The following GPC5 variants were observed in gnomAD, a reference collection of about 807,000 sequenced individuals.
GPC5 encodes glypican-5.
GPC5 carries 47 observed loss-of-function variants against 53.9 expected under a neutral mutation model. The observed-to-expected ratio is 0.87, with a 90% confidence interval of 0.69 to 1.11. The LOEUF is 1.11. Among genes scored for constraint, GPC5 ranks in the 50% most tolerant of loss-of-function variants. GPC5 has a pLI of 0.00. For synonymous variants in GPC5, 286 were observed against 263.3 expected (o/e 1.09, Z -0.84); for missense variants, 748 against 713.1 (o/e 1.05, Z -0.56).
At chr13:92,758,137 G>A (rs1874980332) in intron 7 of GPC5, among the ~76,000 whole-genome samples, 1 of 148,518 alleles carries the variant, frequency 6.7e-6, no homozygotes, top group Admixed American at 6.8e-5. Flanking sequence ...ATACACCATG[G>A]AATACTATGC....
chr13:92,152,160 G>A (rs1426337070), intron 7 of GPC5, among the ~76,000 whole-genome samples: 1 of 152,168 alleles, frequency 6.6e-6, no homozygotes, highest in East Asian at 1.9e-4. Flanking sequence ...AGTGGAGTTT[G>A]TATTTAATTT....
chr13:92,401,185 T>A (rs940487779), intron 7 of GPC5, among the ~76,000 whole-genome samples: 1 of 151,958 alleles, frequency 6.6e-6, no homozygotes, highest in Admixed American at 6.6e-5. Context: ...CTATTTTTTT[T>A]TTTTTTAGGA....
At chr13:92,321,628 CA>C (rs1566537920) in intron 7 of GPC5, among the ~76,000 whole-genome samples, 3 of 151,928 alleles carry the variant, frequency 2.0e-5, no homozygotes, top group African/African-American at 7.2e-5. Flanking sequence ...TACATACATA[CA>C]TACATACATA....
rs769248557 is a variant in GPC5, at chr13:92,176,133, T to C, written c.1561+31144T>C. On this transcript the variant is annotated intron_variant, in intron 7 of 7. Transcript: ENST00000377067. ...ATATATCGTGAAGGACTTTAGAAAATACAAATTACTGTCCACAACCCCAGA... is the reference window on the plus strand; with the variant it reads ...ATATATCGTGAAGGACTTTAGAAAACACAAATTACTGTCCACAACCCCAGA... Among the ~76,000 whole-genome samples the C allele has an allele frequency of 2.6e-5, 4 of 152,296 alleles. No homozygotes were observed. The South Asian group carries it at 8.3e-4, about 32-fold the overall frequency.
At chr13:92,660,143 G>A (rs1291265837) in intron 7 of GPC5, among the ~76,000 whole-genome samples, 3 of 152,028 alleles carry the variant, frequency 2.0e-5, no homozygotes, top group Non-Finnish European at 2.9e-5. Flanking sequence ...TTATATGAAT[G>A]GAACCATAAA....
At chr13:91,659,176 A>T (rs1180763356) in intron 2 of GPC5, among the ~76,000 whole-genome samples, 1 of 152,218 alleles carries the variant, frequency 6.6e-6, no homozygotes, top group East Asian at 1.9e-4. Context: ...CATATATATG[A>T]CTTTCTAAAG....
intron 7 of GPC5, among the ~76,000 whole-genome samples, chr13:92,783,403 A>C (rs1876101638): frequency 6.6e-6 from 1 of 151,826 alleles, no homozygotes; most frequent in Non-Finnish European, 1.5e-5. Context: ...CATAAGGGTG[A>C]CTCTCCCTCC....
At chr13:92,517,628 T>C (rs959828065) in intron 7 of GPC5, among the ~76,000 whole-genome samples, 7 of 152,120 alleles carry the variant, frequency 4.6e-5, no homozygotes, top group African/African-American at 7.2e-5. Context: ...GTCTGACTGT[T>C]AGAAGGAAAA....
rs544314866 is a variant in GPC5, at chr13:92,692,689, A to T, written c.1562-173593A>T. Reference sequence around the variant, plus strand: ...AAAACTTAAAGTATAATAATAAATTAAAAAAAACAAAACAAAACAGTGTAC... The same window carrying T: ...AAAACTTAAAGTATAATAATAAATTTAAAAAAACAAAACAAAACAGTGTAC... On this transcript the variant is annotated intron_variant, in intron 7 of 7. Transcript: ENST00000377067. 7.4e-3 allele frequency among the ~76,000 whole-genome samples: 804 copies of T among 108,414 alleles called. 5 individuals carry two copies. The highest frequency in any genetic ancestry group is 9.1e-3 in the Non-Finnish European group (457 of 50,360). 71.1% of individuals were successfully genotyped at this position (108,414 alleles called of 152,430 possible). A position where few individuals can be genotyped will look rare whatever the true frequency, so the allele number is the denominator to read the frequency against.
chr13:91,811,252 G>A (rs1382396304), intron 5 of GPC5, among the ~76,000 whole-genome samples: 2 of 151,860 alleles, frequency 1.3e-5, no homozygotes, highest in Admixed American at 6.6e-5. Context: ...GATATATTAA[G>A]ACTAATTTTT....
intron 6 of GPC5, among the ~76,000 whole-genome samples, chr13:91,911,816 A>T (rs1173694393): frequency 6.6e-6 from 1 of 152,200 alleles, no homozygotes; most frequent in East Asian, 1.9e-4. Flanking sequence ...AGATAGAAGA[A>T]GGATGATAGC....
At chr13:92,115,231 A>T (rs1379146446) in intron 6 of GPC5, among the ~76,000 whole-genome samples, 1 of 152,224 alleles carries the variant, frequency 6.6e-6, no homozygotes, top group Non-Finnish European at 1.5e-5. Context: ...AATTCTGGCC[A>T]GGTGTGGTGG....
At chr13:91,835,359 C>T (rs1033828239) in intron 5 of GPC5, among the ~76,000 whole-genome samples, 4 of 152,116 alleles carry the variant, frequency 2.6e-5, no homozygotes, top group Non-Finnish European at 5.9e-5. Context: ...CCAGAAATAC[C>T]ATTTAACTCA....
chr13:92,625,585 T>G (rs1885020511), intron 7 of GPC5, among the ~76,000 whole-genome samples: 1 of 152,236 alleles, frequency 6.6e-6, no homozygotes, highest in Non-Finnish European at 1.5e-5. Context: ...AATTTGCTGC[T>G]GAGCCTTCTG....
chr13:92,051,664 C>G (rs1183697927), intron 6 of GPC5, among the ~76,000 whole-genome samples: 1 of 152,122 alleles, frequency 6.6e-6, no homozygotes, highest in East Asian at 1.9e-4. Flanking sequence ...GCTGTTTAGG[C>G]TGATAGTGTG....
intron 7 of GPC5, among the ~76,000 whole-genome samples, chr13:92,636,844 T>C (rs1477594711): frequency 1.3e-5 from 2 of 152,170 alleles, no homozygotes; most frequent in Admixed American, 6.5e-5. Flanking sequence ...TAAAACTTAG[T>C]ACGTGGAAAA....
chr13:92,703,587 A>C (rs1240685257), intron 7 of GPC5, among the ~76,000 whole-genome samples: 2 of 150,054 alleles, frequency 1.3e-5, no homozygotes, highest in Non-Finnish European at 3.0e-5. Context: ...AATTCATTAT[A>C]AATAATTTAT....
At chr13:92,712,155 G>T (rs1888161836) in intron 7 of GPC5, among the ~76,000 whole-genome samples, 1 of 151,494 alleles carries the variant, frequency 6.6e-6, no homozygotes, top group Non-Finnish European at 1.5e-5. Flanking sequence ...TGACAAAAAA[G>T]ATAAAAGAGA....
At chr13:91,598,701 C>T (rs1041727067) in intron 2 of GPC5, among the ~76,000 whole-genome samples, 2 of 151,628 alleles carry the variant, frequency 1.3e-5, no homozygotes, top group African/African-American at 4.8e-5. Flanking sequence ...TGTCATATGA[C>T]CCCAGGGCAA....
Sources: gnomAD v4.1 joint callset for allele counts (sites outside exome capture counted in the v4.1 genomes callset) on GRCh38, gnomAD v4.1.1 for gene constraint, MANE v1.5 for transcripts, NCBI Gene and HGNC (gene_info 2026-07-23, HGNC 2026-07-21) for gene names.